Variants in CCDC73 observed in about 807,000 individuals in gnomAD.
CCDC73 encodes coiled-coil domain-containing protein 73.
In CCDC73, 95 loss-of-function variants were observed where a neutral mutation model predicts 116.5. The ratio of observed to expected loss-of-function variants is 0.82; its 90% CI spans 0.69 to 0.97. The LOEUF is 0.97. Among genes scored for constraint, CCDC73 ranks in the 50% least tolerant of loss-of-function variants. The probability of loss-of-function intolerance (pLI) is 0.00; values close to 1 mark genes in which losing one functional copy is unlikely to be tolerated. For synonymous variants in CCDC73, 398 were observed against 401.3 expected (o/e 0.99, Z 0.10); for missense variants, 1,066 against 1,206.8 (o/e 0.88, Z 1.73).
chr11:32,814,215 C>G, the CCDC73 span, among the ~76,000 whole-genome samples: 1 of 152,050 alleles, frequency 6.6e-6, no homozygotes, highest in East Asian at 1.9e-4. Flanking sequence ...TCTATGGAAC[C>G]AGGTAAAAAA....
chr11:32,765,624 G>C (rs1850433852), intron 1 of CCDC73, among the ~76,000 whole-genome samples: 2 of 152,126 alleles, frequency 1.3e-5, no homozygotes, highest in African/African-American at 4.8e-5. Flanking sequence ...GTGTGTAAAG[G>C]GAAATTTATA....
chr11:32,776,982 TAC>T (rs1465079202), intron 1 of CCDC73, among the ~76,000 whole-genome samples: 6 of 87,528 alleles, frequency 6.9e-5, no homozygotes, highest in South Asian at 3.9e-4. Flanking sequence ...CATATATATA[TAC>T]ACATGTATAT....
At chr11:32,625,943 C>T (rs1196544557) in intron 14 of CCDC73, among the ~76,000 whole-genome samples, 1 of 139,386 alleles carries the variant, frequency 7.2e-6, no homozygotes, top group Non-Finnish European at 1.6e-5. Flanking sequence ...CCTCTCTCAC[C>T]GTTCCTATTC....
At chr11:32,677,955 C>CAA (rs34907847) in intron 7 of CCDC73, among the ~76,000 whole-genome samples, 3,089 of 64,036 alleles carry the variant, frequency 0.048, 78 homozygotes, top group African/African-American at 0.059. Context: ...GATTCCATCT[C>CAA]AAAAAAAAAA....
intron 9 of CCDC73, among the ~76,000 whole-genome samples, chr11:32,673,107 C>A (rs553303666): frequency 6.6e-6 from 1 of 152,166 alleles, no homozygotes; most frequent in African/African-American, 2.4e-5. Flanking sequence ...AAAATGGGCC[C>A]AAGGCCTGAA....
At chr11:32,809,200 G>A in the CCDC73 span, among the ~76,000 whole-genome samples, 1 of 152,226 alleles carries the variant, frequency 6.6e-6, no homozygotes, top group Non-Finnish European at 1.5e-5. Context: ...TTCAACAGAA[G>A]TAAGGTTAAG....
chr11:32,829,728 C>T, the CCDC73 span: 3 of 977,410 alleles, frequency 3.1e-6, no homozygotes, highest in Non-Finnish European at 3.6e-6. Context: ...AAGCAGCCAC[C>T]CGCGCCGCCA....
chr11:32,725,073 T>C (rs12272409), intron 2 of CCDC73, among the ~76,000 whole-genome samples: 1,818 of 152,186 alleles, frequency 0.012, 35 homozygotes, highest in African/African-American at 0.041. Flanking sequence ...TATTAATTAC[T>C]ATACAGTTAA....
chr11:32,804,447 G>T, the CCDC73 span, among the ~76,000 whole-genome samples: 1 of 152,214 alleles, frequency 6.6e-6, no homozygotes, highest in Admixed American at 6.5e-5. Context: ...ATAATTTCTA[G>T]TAACTTTTCA....
At chr11:32,645,525 G>A (rs1363482936) in intron 12 of CCDC73, among the ~76,000 whole-genome samples, 3 of 151,790 alleles carry the variant, frequency 2.0e-5, no homozygotes, top group Admixed American at 6.6e-5. Flanking sequence ...TCCGGACCTC[G>A]TGATCCGCCC....
At chr11:32,654,743 T>C in intron 10 of CCDC73, 101 bp downstream of exon 10, 1 of 892,904 alleles carries the variant, frequency 1.1e-6, no homozygotes, top group Non-Finnish European at 1.6e-6. Flanking sequence ...CTATGCATAT[T>C]GACTTTGCAA....
intron 7 of CCDC73, chr11:32,681,492 A>G (rs1307904341): frequency 6.6e-6 from 1 of 152,008 alleles, no homozygotes; most frequent in Non-Finnish European, 1.5e-5. Flanking sequence ...AATTTATCTC[A>G]GAACCTATCA....
Position 32,611,076 on chromosome 11 carries a change from A to G in CCDC73, c.3030+56T>C, listed in dbSNP as rs1416949352. Reference sequence around the variant, plus strand: ...CATCCAGATGCGTACAGTTCTACACATATCTGTAGAATTAGCTCACTAAGG... The same window carrying G: ...CATCCAGATGCGTACAGTTCTACACGTATCTGTAGAATTAGCTCACTAAGG... On this transcript the variant is annotated intron_variant, in intron 17 of 17. Transcript: ENST00000335185. 3 of 1,578,206 alleles carry G rather than the reference A, an allele frequency of 1.9e-6. No individual in the cohort carries two copies. The East Asian group carries it at 6.7e-5, about 35-fold the overall frequency.
At chr11:32,755,536 A>ATATATATATATAT (rs1850325554) in intron 2 of CCDC73, among the ~76,000 whole-genome samples, 12 of 59,916 alleles carry the variant, frequency 2.0e-4, no homozygotes, top group African/African-American at 6.9e-4. Flanking sequence ...TCCATCTCAA[A>ATATATATATATAT]ATATATATAT....
At chr11:32,644,120 T>C (rs1300614551) in intron 12 of CCDC73, among the ~76,000 whole-genome samples, 1 of 152,012 alleles carries the variant, frequency 6.6e-6, no homozygotes, top group Non-Finnish European at 1.5e-5. Context: ...AGAAAGAAAA[T>C]GTGGTACATA....
At position 32,699,187 on chromosome 11, in the gene CCDC73, G is replaced by A. The variant is rs1200658936; in HGVS notation, c.390+64C>T. 30 of 1,469,340 alleles carry A rather than the reference G, an allele frequency of 2.0e-5. No individual in the cohort carries two copies. The Middle Eastern group carries it at 5.6e-4, about 28-fold the overall frequency. The allele number at this position is 1,469,340 out of a possible 1,614,324, so 91.0% of individuals were successfully genotyped here. On this transcript the variant is annotated intron_variant, in intron 6 of 17. Transcript: ENST00000335185. ...TGCTTTGTAGCTTACATATCTAAAGGCATTTTACTGATATAATGCTAAAAT... is the reference window on the plus strand; with the variant it reads ...TGCTTTGTAGCTTACATATCTAAAGACATTTTACTGATATAATGCTAAAAT...
chr11:32,645,924 A>G (rs986736829), intron 12 of CCDC73, among the ~76,000 whole-genome samples: 4 of 152,226 alleles, frequency 2.6e-5, no homozygotes, highest in Admixed American at 6.5e-5. Context: ...TATAAAACAG[A>G]GTAGTTTCTA....
chr11:32,758,592 A>C, intron 2 of CCDC73: 1 of 427,270 alleles, frequency 2.3e-6, no homozygotes, highest in Admixed American at 2.4e-5. Context: ...TTGAAGGCAC[A>C]AGCACAGAGT....
rs1855841247 is a variant in CCDC73 at position 32,653,143 on chromosome 11, C to T, written c.919G>A (p.Val307Met). ...ANTEMEAELK[V>M]LKENNQTLER... ...CGAACCTGATTATTTTCTTTTAGCA[C>T]CTTCAATTCTGCCTCCATTTCAGTA... The change falls in exon 12 of 18, where the codon GTG becomes ATG. Residue 307 changes from valine (V) to methionine (M), a missense_variant. By Grantham distance (21) the Val-to-Met change is conservative. Coordinates refer to ENST00000335185, the MANE Select transcript of CCDC73 (RefSeq NM_001008391.4). 1.2e-6 allele frequency: 2 copies of T among 1,608,590 alleles called. No homozygotes were observed. The highest frequency in any genetic ancestry group is 1.3e-5 in the African/African-American group (1 of 74,862).
Sources: gnomAD v4.1 joint callset for allele counts (sites outside exome capture counted in the v4.1 genomes callset) on GRCh38, gnomAD v4.1.1 for gene constraint, MANE v1.5 for transcripts, NCBI Gene and HGNC (gene_info 2026-07-23, HGNC 2026-07-21) for gene names.